The following CSF2RA variants were observed in gnomAD, a reference collection of about 807,000 sequenced individuals.
The protein encoded by CSF2RA is granulocyte-macrophage colony-stimulating factor receptor subunit alpha.
Under a neutral mutation model 51.6 loss-of-function variants are expected in CSF2RA, and 42 were observed. The observed-to-expected ratio is 0.81, with a 90% confidence interval of 0.64 to 1.05. CSF2RA has a LOEUF of 1.05. Among genes scored for constraint, CSF2RA ranks in the 50% least tolerant of loss-of-function variants. CSF2RA has a pLI of 0.00. For missense variants in CSF2RA, 530 were observed against 501.1 expected (o/e 1.06, Z -0.55); for synonymous variants, 222 against 193.0 (o/e 1.15, Z -1.24).
the CSF2RA span, among the ~76,000 whole-genome samples, chrX:1,324,297 C>T: frequency 6.8e-6 from 1 of 146,878 alleles, no homozygotes; most frequent in Admixed American, 7.0e-5. Flanking sequence ...AGTTAGAGGC[C>T]AGCCTGGGCC....
intron 9 of CSF2RA, among the ~76,000 whole-genome samples, chrX:1,299,159 C>G (rs1278153668): frequency 1.3e-5 from 2 of 152,198 alleles, no homozygotes; most frequent in Admixed American, 1.3e-4. Flanking sequence ...TCAGCCTGTT[C>G]TACTGATTTT....
chrX:1,312,274 C>A (rs1393978052), downstream of CSF2RA, among the ~76,000 whole-genome samples: 1 of 152,052 alleles, frequency 6.6e-6, no homozygotes, highest in Non-Finnish European at 1.5e-5. Context: ...GTCAGGCCCA[C>A]GGGGACACTC....
At chrX:1,276,152 C>T (rs1488656107) in intron 2 of CSF2RA, among the ~76,000 whole-genome samples, 1 of 150,276 alleles carries the variant, frequency 6.7e-6, no homozygotes, top group Non-Finnish European at 1.5e-5. Flanking sequence ...AGAGGTACGC[C>T]ACCACGCCTG....
At chrX:1,324,884 C>T in the CSF2RA span, among the ~76,000 whole-genome samples, 3 of 152,068 alleles carry the variant, frequency 2.0e-5, no homozygotes, top group South Asian at 4.1e-4. Context: ...AAAGTCTGAC[C>T]TCCTTGTCAG....
At chrX:1,295,831 GC>G (rs1264439196) in intron 9 of CSF2RA, among the ~76,000 whole-genome samples, 8,852 of 133,650 alleles carry the variant, frequency 0.066, 1,410 homozygotes, top group African/African-American at 0.09. Flanking sequence ...CGTCCACCTA[GC>G]TTAATCCTAC....
downstream of CSF2RA, chrX:1,310,416 C>T (rs2084114713): frequency 6.7e-6 from 1 of 149,472 alleles, no homozygotes; most frequent in South Asian, 2.1e-4. Flanking sequence ...CACCTGTAAT[C>T]CCAGCAGTTT....
intron 1 of CSF2RA, among the ~76,000 whole-genome samples, chrX:1,273,075 C>G (rs2088662397): frequency 6.6e-6 from 1 of 151,984 alleles, no homozygotes; most frequent in South Asian, 2.1e-4. Flanking sequence ...ACGCCTCAGC[C>G]TCCCAAAGTG....
intron 4 of CSF2RA, among the ~76,000 whole-genome samples, chrX:1,286,749 G>T (rs1421476747): frequency 6.6e-6 from 1 of 152,142 alleles, no homozygotes; most frequent in African/African-American, 2.4e-5. Flanking sequence ...CAGAGCCTAT[G>T]TTACCGTATT....
chrX:1,297,151 C>G (rs867291703), intron 9 of CSF2RA, among the ~76,000 whole-genome samples: 3 of 35,750 alleles, frequency 8.4e-5, no homozygotes, highest in Non-Finnish European at 1.8e-4. Flanking sequence ...CTGGCGGAAC[C>G]CTACAGTCCC....
chrX:1,285,636 AGCTTG>A, intron 3 of CSF2RA, 137 bp from the exon 4 acceptor site: 2 of 860,614 alleles, frequency 2.3e-6, no homozygotes, highest in Non-Finnish European at 3.2e-6. Context: ...TGGAGCTTGC[AGCTTG>A]CAGTGACCTG....
downstream of CSF2RA, among the ~76,000 whole-genome samples, chrX:1,314,539 G>A (rs765395618): frequency 7.5e-4 from 84 of 112,558 alleles, 4 homozygotes; most frequent in African/African-American, 3.2e-3. Flanking sequence ...CACTGCACCT[G>A]CCCAATCCCA....
chrX:1,283,366 TC>T (rs1402085557), intron 3 of CSF2RA, among the ~76,000 whole-genome samples: 1 of 146,610 alleles, frequency 6.8e-6, no homozygotes, highest in Non-Finnish European at 1.5e-5. Flanking sequence ...TTTCCTTCCT[TC>T]TTCCGTCCCT....
chrX:1,303,982 C>G lies in CSF2RA; in HGVS notation c.1006C>G (p.Leu336Val), dbSNP rs143480669. 8.7e-6 allele frequency: 14 copies of G among 1,613,002 alleles called. No individual in the cohort carries two copies. Among genetic ancestry groups the G allele is most frequent in the Middle Eastern group, 1.6e-4 (1 of 6,078 alleles). ...YIYVLLIVGT[L>V]VCGIVLGFLF... ...TTATGTGCTCCTAATCGTGGGAACC[C>G]TTGTCTGTGGCATCGTCCTCGGCTT... Residue 336 changes from leucine (L) to valine (V), a missense_variant, in exon 11 of 13, where the codon CTT (leucine) becomes GTT (valine). Transcript: ENST00000381529.
At chrX:1,269,609 C>G (rs1246518857) in intron 1 of CSF2RA, among the ~76,000 whole-genome samples, 3 of 136,846 alleles carry the variant, frequency 2.2e-5, no homozygotes, top group South Asian at 2.4e-4. Context: ...GGCAACAAGA[C>G]GAGATTCTGT....
chrX:1,287,680 G>C (rs760179942), intron 4 of CSF2RA, among the ~76,000 whole-genome samples: 19 of 135,522 alleles, frequency 1.4e-4, no homozygotes, highest in South Asian at 9.7e-4. Flanking sequence ...CTGACCTCAA[G>C]TGATCCACCC....
chrX:1,282,280 C>G (rs1443263871), intron 2 of CSF2RA: 13 of 214,522 alleles, frequency 6.1e-5, no homozygotes, highest in African/African-American at 3.0e-4. Context: ...CATCGTTTAT[C>G]TTATTTCCCC....
chrX:1,271,881 G>A (rs2088479968), intron 1 of CSF2RA, among the ~76,000 whole-genome samples: 1 of 152,150 alleles, frequency 6.6e-6, no homozygotes, highest in East Asian at 1.9e-4. Flanking sequence ...GAAAGCTCTT[G>A]GTCCCCTGTA....
intron 10 of CSF2RA, chrX:1,303,307 C>T: frequency 2.3e-6 from 1 of 434,344 alleles, no homozygotes; most frequent in East Asian, 3.4e-5. Context: ...ACAATCTCGG[C>T]TCACTGCAAC....
the CSF2RA span, among the ~76,000 whole-genome samples, chrX:1,318,320 C>T: frequency 1.3e-5 from 2 of 151,898 alleles, no homozygotes; most frequent in African/African-American, 2.4e-5. Flanking sequence ...TACGCCACCA[C>T]ACCCAGCTAA....
Sources: gnomAD v4.1 joint callset for allele counts (sites outside exome capture counted in the v4.1 genomes callset) on GRCh38, gnomAD v4.1.1 for gene constraint, MANE v1.5 for transcripts, NCBI Gene and HGNC (gene_info 2026-07-23, HGNC 2026-07-21) for gene names.